Variants in CAT observed in about 807,000 individuals in gnomAD.
CAT encodes the protein catalase, also known as epididymis secretory sperm binding protein.
In CAT, 43 loss-of-function variants were observed where a neutral mutation model predicts 59.0. That is an observed-to-expected ratio of 0.73 (90% CI 0.57 to 0.94). The LOEUF is 0.94. Among genes scored for constraint, CAT ranks in the 40% least tolerant of loss-of-function variants. CAT has a pLI of 0.00. For synonymous variants in CAT, 218 were observed against 230.9 expected (o/e 0.94, Z 0.51); for missense variants, 664 against 682.9 (o/e 0.97, Z 0.31).
At chr11:34,441,384 A>T (rs546255816) in intron 1 of CAT, among the ~76,000 whole-genome samples, 8 of 152,136 alleles carry the variant, frequency 5.3e-5, no homozygotes, top group Non-Finnish European at 8.8e-5. Context: ...AAGTTGTTTC[A>T]TGTATTAGCA....
At chr11:34,453,677 T>A in intron 5 of CAT, 124 bp from the exon 6 acceptor site, 1 of 839,450 alleles carries the variant, frequency 1.2e-6, no homozygotes, top group South Asian at 1.4e-5. Flanking sequence ...ACCCTTCCCA[T>A]GGGAAATTGG....
intron 1 of CAT, among the ~76,000 whole-genome samples, chr11:34,443,216 A>G (rs545975414): frequency 2.4e-4 from 37 of 152,286 alleles, no homozygotes; most frequent in Admixed American, 1.2e-3. Flanking sequence ...TGGGACTACT[A>G]TAGGCGAACA....
chr11:34,443,342 G>A (rs1856413535), intron 1 of CAT, among the ~76,000 whole-genome samples: 1 of 152,236 alleles, frequency 6.6e-6, no homozygotes, highest in African/African-American at 2.4e-5. Context: ...GCTGACAGGT[G>A]AATTGGGAGT....
At chr11:34,444,163 G>A (rs542070458) in intron 1 of CAT, among the ~76,000 whole-genome samples, 2 of 152,220 alleles carry the variant, frequency 1.3e-5, no homozygotes, top group Non-Finnish European at 2.9e-5. Context: ...GCGTGTTGGC[G>A]AGACAAGATG....
chr11:34,449,668 G>A (rs1383609004), intron 2 of CAT, among the ~76,000 whole-genome samples: 1 of 152,116 alleles, frequency 6.6e-6, no homozygotes, highest in East Asian at 1.9e-4. Context: ...GACTTTAAAC[G>A]ACATGTAATG....
At position 34,456,788 on chromosome 11, in the gene CAT, A is replaced by G; in HGVS notation, c.1027A>G (p.Ile343Val). Residue 343 changes from isoleucine to valine, a missense_variant, in exon 8 of 13, where the codon ATT (isoleucine) becomes GTT (valine). By Grantham distance (29) the Ile-to-Val change is conservative (BLOSUM62 3). Coordinates refer to ENST00000241052, the MANE Select transcript of CAT (RefSeq NM_001752.4). ...AFDPSNMPPGIEASPDKMLQG... is the reference protein window; with the variant it reads ...AFDPSNMPPGVEASPDKMLQG... ...CGACCCAAGCAACATGCCACCTGGC[A>G]TTGAGGCCAGTCCTGACAAAATGCT... is the stretch of plus-strand genomic sequence containing the variant. 6.2e-7 allele frequency: 1 copy of G among 1,614,230 alleles called. No individual in the cohort carries two copies. Among genetic ancestry groups the G allele is most frequent in the Non-Finnish European group, 8.5e-7 (1 of 1,180,040 alleles).
intron 10 of CAT, among the ~76,000 whole-genome samples, 191 bp downstream of exon 10, chr11:34,464,426 T>G (rs1856690112): frequency 6.6e-6 from 1 of 152,202 alleles, no homozygotes; most frequent in Non-Finnish European, 1.5e-5. Flanking sequence ...CTCTGGTCTT[T>G]TGCCTCAAAG....
chr11:34,442,218 A>G (rs557572784), intron 1 of CAT, among the ~76,000 whole-genome samples: 10 of 152,338 alleles, frequency 6.6e-5, no homozygotes, highest in Admixed American at 6.5e-4. Flanking sequence ...TTATTAATTC[A>G]TAGCCCATAT....
chr11:34,441,599 G>A (rs1407821294), intron 1 of CAT, among the ~76,000 whole-genome samples: 1 of 152,094 alleles, frequency 6.6e-6, no homozygotes, highest in African/African-American at 2.4e-5. Flanking sequence ...GTTGAGACCA[G>A]CCTAAGCAAC....
rs371936539 is a variant in CAT at position 34,456,851 on chromosome 11, G to A, written c.1056+34G>A. 15 of 1,611,740 alleles carry A rather than the reference G, an allele frequency of 9.3e-6. No homozygotes were observed. The African/African-American group carries it at 1.5e-4, about 16-fold the overall frequency. ...GGTGGATTGAGATGTTCTGAGGCAG[G>A]TGTCCATGTGAGCATGCACACACAA... is the stretch of plus-strand genomic sequence containing the variant. On this transcript the variant is annotated intron_variant, in intron 8 of 12. Transcript: ENST00000241052.
chr11:34,440,193 G>C (rs527529698), intron 1 of CAT, among the ~76,000 whole-genome samples: 34 of 152,268 alleles, frequency 2.2e-4, no homozygotes, highest in African/African-American at 6.5e-4. Context: ...TCGTGAACTG[G>C]GGTATTAATG....
intron 1 of CAT, among the ~76,000 whole-genome samples, chr11:34,446,368 A>G (rs1170192382): frequency 6.6e-6 from 1 of 152,212 alleles, no homozygotes; most frequent in Non-Finnish European, 1.5e-5. Context: ...TTAAAAACTC[A>G]GGTTTCATTT....
chr11:34,456,652 A>G lies in CAT; in HGVS notation c.904-13A>G. 1 of 1,613,504 alleles carries G rather than the reference A, an allele frequency of 6.2e-7. No homozygotes were observed. The highest frequency in any genetic ancestry group is 8.5e-7 in the Non-Finnish European group (1 of 1,179,340). ...TGATTGCCTGGTAATTGTGAATATG[A>G]CATCATTTTCAGGTTTGGCCTCACA... On this transcript the variant is annotated splice_polypyrimidine_tract_variant and intron_variant, in intron 7 of 12. Coordinates refer to ENST00000241052, the MANE Select transcript of CAT (RefSeq NM_001752.4).
intron 1 of CAT, among the ~76,000 whole-genome samples, chr11:34,443,890 C>T (rs927258553): frequency 2.0e-5 from 3 of 152,180 alleles, no homozygotes; most frequent in African/African-American, 7.2e-5. Context: ...CCTTGGTCCA[C>T]ATGTGCTTTC....
At chr11:34,445,143 T>C (rs1856434325) in intron 1 of CAT, among the ~76,000 whole-genome samples, 1 of 152,012 alleles carries the variant, frequency 6.6e-6, no homozygotes. Context: ...TATTGAGCAG[T>C]GTATTAGGGA....
intron 1 of CAT, among the ~76,000 whole-genome samples, chr11:34,440,564 T>A (rs903147439): frequency 6.6e-6 from 1 of 151,694 alleles, no homozygotes; most frequent in African/African-American, 2.4e-5. Context: ...TTTCTTTTCT[T>A]TTCTTTTTTT....
rs566740513 is a variant in CAT at position 34,467,489 on chromosome 11, A to C, written c.1327-799A>C. Among the ~76,000 whole-genome samples, 11 of 152,270 alleles carry C rather than the reference A, an allele frequency of 7.2e-5. No individual in the cohort carries two copies. In the South Asian group the frequency reaches 2.3e-3, roughly 32 times the overall value. On this transcript the variant is annotated intron_variant, in intron 10 of 12. Transcript: ENST00000241052. ...TTATGGAAATGATGCATCTCTTAAT[A>C]TTTTATGAAGTTGATACTTTGGATA...
intron 6 of CAT, among the ~76,000 whole-genome samples, 198 bp downstream of exon 6, chr11:34,454,124 CATT>C (rs893584217): frequency 5.3e-5 from 8 of 152,198 alleles, no homozygotes; most frequent in African/African-American, 1.9e-4. Context: ...ATCCCAATCT[CATT>C]ATCACTTCCA....
In CAT at chr11:34,468,292, G is replaced by A. The variant is rs138694186; in HGVS notation, c.1331G>A (p.Arg444Gln). The A allele has an allele frequency of 1.0e-4, 161 of 1,612,618 alleles. No homozygotes were observed. The highest frequency in any genetic ancestry group is 1.2e-4 in the Non-Finnish European group (139 of 1,178,906). The change falls in exon 11 of 13, where the codon CGG (arginine) becomes CAG (glutamine). Residue 444 changes from arginine (R) to glutamine (Q), a missense_variant. Transcript: ENST00000241052. ...CTTGCTCTTTTCTCTGAGCAGGTGC[G>A]GGCATTCTATGTGAACGTGCTGAAT... ...TANDDNVTQV[R>Q]AFYVNVLNEE... is the part of the protein sequence containing the mutation.
Sources: gnomAD v4.1 joint callset for allele counts (sites outside exome capture counted in the v4.1 genomes callset) on GRCh38, gnomAD v4.1.1 for gene constraint, MANE v1.5 for transcripts, NCBI Gene and HGNC (gene_info 2026-07-23, HGNC 2026-07-21) for gene names.